The following MEF2C variants were observed in gnomAD, a reference collection of about 807,000 sequenced individuals.
MEF2C encodes the protein myocyte enhancer factor 2C, also known as myocyte-specific enhancer factor 2C.
In MEF2C, 6 loss-of-function variants were observed where a neutral mutation model predicts 50.5. The observed-to-expected ratio is 0.12, with a 90% CI of 0.07 to 0.23. MEF2C has a LOEUF of 0.23. MEF2C is among the 10% of genes least tolerant of loss of function. The pLI, the probability that MEF2C is intolerant of heterozygous loss-of-function variation, is 1.00. For missense variants in MEF2C, 276 were observed against 605.0 expected, an observed-to-expected ratio of 0.46 and a Z score of 5.70; for synonymous variants, 183 against 228.0, an observed-to-expected ratio of 0.80 and a Z score of 1.78.
intron 1 of MEF2C, among the ~76,000 whole-genome samples, chr5:88,856,680 G>C (rs2153408577): frequency 6.6e-6 from 1 of 152,374 alleles, no homozygotes; most frequent in South Asian, 2.1e-4. Flanking sequence ...AGCTCAGGCT[G>C]TTGCTTCAGA....
chr5:88,860,844 T>G (rs1825255205), intron 1 of MEF2C, among the ~76,000 whole-genome samples: 1 of 152,242 alleles, frequency 6.6e-6, no homozygotes, highest in South Asian at 2.1e-4. Flanking sequence ...CTTTCCTTTC[T>G]TAAGGAAATT....
In MEF2C at chr5:88,804,747, C is replaced by A. The variant is rs765658557; in HGVS notation, c.109G>T (p.Val37Leu). 6.2e-7 allele frequency: 1 copy of A among 1,614,162 alleles called. No individual in the cohort carries two copies. Among genetic ancestry groups the A allele is most frequent in the Admixed American group, 1.7e-5 (1 of 60,030 alleles). The change falls in exon 3 of 11, where the codon GTG becomes TTG. Residue 37 changes from valine to leucine, a missense_variant. Val to Leu is a conservative substitution (Grantham distance 32). Around this residue, in one of 2 missense-constraint regions of MEF2C, gnomAD observed 20 missense variants for 136.9 expected, o/e 0.15. Coordinates refer to ENST00000504921, the MANE Select transcript of MEF2C (RefSeq NM_002397.5). Reference sequence around the variant, plus strand: ...AGCGCAATCTCACAGTCACACAGCACGCTCAGCTCATAAGCCTTCTTCATC... The same window carrying A: ...AGCGCAATCTCACAGTCACACAGCAAGCTCAGCTCATAAGCCTTCTTCATC... The part of the protein sequence containing the change: ...GLMKKAYELS[V>L]LCDCEIALII...
chr5:88,877,211 G>A (rs190203588), intron 1 of MEF2C, among the ~76,000 whole-genome samples: 59 of 151,960 alleles, frequency 3.9e-4, no homozygotes, highest in South Asian at 1.9e-3. Flanking sequence ...TTGTAATGTC[G>A]TCAATTTCCT....
chr5:88,812,447 T>C (rs1437630818), intron 2 of MEF2C, among the ~76,000 whole-genome samples: 2 of 152,166 alleles, frequency 1.3e-5, no homozygotes, highest in Non-Finnish European at 2.9e-5. Context: ...TTTTATTTTT[T>C]TGTCATTTTA....
intron 1 of MEF2C, among the ~76,000 whole-genome samples, chr5:88,860,185 T>C (rs1825002988): frequency 6.6e-6 from 1 of 152,206 alleles, no homozygotes; most frequent in South Asian, 2.1e-4. Flanking sequence ...AGGTTCCACA[T>C]TCTAATAATT....
At chr5:88,761,384 A>G in intron 3 of MEF2C, 56 bp from the exon 4 acceptor site, 1 of 1,556,374 alleles carries the variant, frequency 6.4e-7, no homozygotes, top group South Asian at 1.2e-5. Context: ...AGAGACATTC[A>G]GGGGCATTAA....
intron 3 of MEF2C, among the ~76,000 whole-genome samples, chr5:88,803,300 C>T (rs72771894): frequency 0.03 from 4,517 of 152,060 alleles, 86 homozygotes; most frequent in Non-Finnish European, 0.048. Flanking sequence ...TCCTTGGCCT[C>T]GTTAAGGCAA....
upstream of MEF2C, among the ~76,000 whole-genome samples, chr5:88,885,236 G>A (rs1202996218): frequency 6.6e-6 from 1 of 152,166 alleles, no homozygotes; most frequent in Admixed American, 6.5e-5. Flanking sequence ...TTCAATGTAG[G>A]AGGTATTTGA....
chr5:88,781,016 CT>C (rs1282279818), intron 3 of MEF2C: 193 of 768,660 alleles, frequency 2.5e-4, no homozygotes, highest in African/African-American at 3.6e-4. Context: ...CAGAGTTCCA[CT>C]TTTTTTTTCT....
intron 4 of MEF2C, chr5:88,752,679 C>T (rs1025528439): frequency 2.1e-5 from 21 of 985,102 alleles, no homozygotes; most frequent in Non-Finnish European, 2.2e-5. Flanking sequence ...TGGTGTGTAC[C>T]GCCACTGACA....
intron 3 of MEF2C, among the ~76,000 whole-genome samples, chr5:88,763,085 G>A (rs1778551355): frequency 6.6e-6 from 1 of 152,116 alleles, no homozygotes; most frequent in South Asian, 2.1e-4. Flanking sequence ...TAATATATCT[G>A]GGATACACAG....
At chr5:88,768,657 T>A (rs986911620) in intron 3 of MEF2C, 2 of 983,798 alleles carry the variant, frequency 2.0e-6, no homozygotes, top group Non-Finnish European at 2.4e-6. Flanking sequence ...CATGACAAAC[T>A]GAAATGAATA....
At chr5:88,769,542 A>T (rs1781479891) in intron 3 of MEF2C, among the ~76,000 whole-genome samples, 1 of 152,238 alleles carries the variant, frequency 6.6e-6, no homozygotes, top group African/African-American at 2.4e-5. Flanking sequence ...TCCTCAATCC[A>T]GCAGAGATGT....
intron 3 of MEF2C, among the ~76,000 whole-genome samples, chr5:88,785,772 T>G (rs1170198286): frequency 1.3e-5 from 2 of 152,118 alleles, no homozygotes; most frequent in African/African-American, 4.8e-5. Context: ...AAGTTAGTTA[T>G]TTATGGCAGT....
At chr5:88,803,125 ACTAT>A (rs1287339903) in intron 3 of MEF2C, among the ~76,000 whole-genome samples, 3 of 152,348 alleles carry the variant, frequency 2.0e-5, no homozygotes, top group African/African-American at 7.2e-5. Context: ...CAAATAAAAA[ACTAT>A]CTGAAATGCA....
At chr5:88,783,771 T>C (rs911703147) in intron 3 of MEF2C, among the ~76,000 whole-genome samples, 1 of 152,232 alleles carries the variant, frequency 6.6e-6, no homozygotes, top group Non-Finnish European at 1.5e-5. Context: ...TACCCCATAG[T>C]TCTCATTACG....
intron 3 of MEF2C, among the ~76,000 whole-genome samples, chr5:88,767,839 G>A (rs771463860): frequency 2.6e-5 from 4 of 152,108 alleles, no homozygotes; most frequent in African/African-American, 7.2e-5. Context: ...TGTCTTAAGG[G>A]CCACAAATTA....
intron 2 of MEF2C, among the ~76,000 whole-genome samples, chr5:88,814,800 T>C (rs1804579817): frequency 6.6e-6 from 1 of 152,084 alleles, no homozygotes; most frequent in Admixed American, 6.6e-5. Context: ...TCATAAAAGT[T>C]TGAGTTTTAA....
chr5:88,876,292 C>T (rs1274500658), intron 1 of MEF2C, among the ~76,000 whole-genome samples: 1 of 151,868 alleles, frequency 6.6e-6, no homozygotes, highest in African/African-American at 2.4e-5. Flanking sequence ...TGTGTTCATT[C>T]ATTCAAGAGA....
Sources: allele counts gnomAD v4.1 joint callset (sites outside exome capture counted in the v4.1 genomes callset), GRCh38; gene constraint gnomAD v4.1.1; regional missense constraint gnomAD v4.1.1; transcripts MANE v1.5; gene names NCBI Gene and HGNC (gene_info 2026-07-23, HGNC 2026-07-21).